The following ZNF148 variants were observed in gnomAD, a reference collection of about 807,000 sequenced individuals.
ZNF148 encodes zinc finger protein 148.
Under a neutral mutation model 67.7 loss-of-function variants are expected in ZNF148, and 7 were observed. That is an observed-to-expected ratio of 0.10 (90% CI 0.06 to 0.19). The LOEUF (loss-of-function observed/expected upper bound fraction) is 0.19. Ranked by LOEUF, ZNF148 falls within the 10% of genes least tolerant of loss-of-function variation. ZNF148 has a pLI of 1.00. For missense variants in ZNF148, 583 were observed against 947.1 expected (o/e 0.62, Z 5.05); for synonymous variants, 333 against 330.7 (o/e 1.01, Z -0.08).
chr3:125,230,352 C>T lies in ZNF148; in HGVS notation c.*1989G>A, dbSNP rs1658285552. The T allele has an allele frequency of 1.3e-5, 2 of 152,506 alleles. No homozygotes were observed. Among genetic ancestry groups the T allele is most frequent in the South Asian group, 4.1e-4 (2 of 4,832 alleles). 9.4% of individuals were successfully genotyped at this position (152,506 alleles called of 1,614,324 possible). On this transcript the variant is annotated 3_prime_UTR_variant, in exon 9 of 9. Coordinates refer to ENST00000360647, the MANE Select transcript of ZNF148 (RefSeq NM_021964.3). Reference sequence around the variant, plus strand: ...CTTTTTGTAATTATGTAATGCACAACACAACACACACAATCTTAAGAGTCA... The same window carrying T: ...CTTTTTGTAATTATGTAATGCACAATACAACACACACAATCTTAAGAGTCA...
intron 7 of ZNF148, among the ~76,000 whole-genome samples, chr3:125,240,122 A>G (rs371654768): frequency 6.6e-6 from 1 of 152,242 alleles, no homozygotes; most frequent in Non-Finnish European, 1.5e-5. Flanking sequence ...TTAAATATGC[A>G]TGGTAATACA....
chr3:125,233,324 T>C lies in ZNF148; in HGVS notation c.1402A>G (p.Met468Val), dbSNP rs750747712. Residue 468 changes from methionine to valine, a missense_variant, in exon 9 of 9, where the codon ATG becomes GTG. By Grantham distance (21) the Met-to-Val change is conservative (BLOSUM62 1). This residue lies in a region of ZNF148 where 172 missense variants were observed against 307.7 expected (regional missense o/e 0.56). Coordinates refer to ENST00000360647, the MANE Select transcript of ZNF148 (RefSeq NM_021964.3). The surrounding 1 kb of genome is among the most constrained non-coding windows in gnomAD (Gnocchi z 5.1). The stretch of plus-strand genomic sequence containing the variant: ...TACCGCTTCTTCTTCAAAAACTGCA[T>C]GGCATCATCATAATTAGTACTACTA... ...VHSSTNYDDA[M>V]QFLKKKRYLQ... The C allele has an allele frequency of 1.9e-6, 3 of 1,613,978 alleles. No individual in the cohort carries two copies. The highest frequency in any genetic ancestry group is 2.2e-5 in the East Asian group (1 of 44,876).
chr3:125,318,606 A>G (rs1273155535), intron 3 of ZNF148, among the ~76,000 whole-genome samples: 4 of 152,178 alleles, frequency 2.6e-5, no homozygotes, highest in Admixed American at 1.3e-4. Flanking sequence ...GCTCCCTGTG[A>G]AGACCCTTTA....
chr3:125,313,647 GTA>G lies in ZNF148; in HGVS notation c.-9_-8del, dbSNP rs772881983. 6.3e-7 allele frequency: 1 copy of G among 1,599,072 alleles called. No homozygotes were observed. The highest frequency in any genetic ancestry group is 8.6e-7 in the Non-Finnish European group (1 of 1,168,164). ...GTTTGTCGTCAATGTTCATGCTTAA[GTA>G]TAACTGCCTAGAAAACCAAGTTTGG... On this transcript the variant is annotated 5_prime_UTR_variant, in exon 4 of 9. Transcript: ENST00000360647.
intron 7 of ZNF148, among the ~76,000 whole-genome samples, chr3:125,267,079 A>G (rs1402667280): frequency 4.0e-5 from 6 of 151,504 alleles, no homozygotes; most frequent in Non-Finnish European, 8.9e-5. Flanking sequence ...AGGAAAGAAA[A>G]AAAAAAAAAA....
At chr3:125,244,322 A>G (rs1174507794) in intron 7 of ZNF148, among the ~76,000 whole-genome samples, 3 of 152,190 alleles carry the variant, frequency 2.0e-5, no homozygotes, top group Non-Finnish European at 2.9e-5. Flanking sequence ...CATAAGATTT[A>G]TGTATAATCT....
At chr3:125,254,937 C>A (rs961330559) in intron 7 of ZNF148, among the ~76,000 whole-genome samples, 4 of 152,076 alleles carry the variant, frequency 2.6e-5, no homozygotes, top group Admixed American at 6.6e-5. Flanking sequence ...AAGACTCAAT[C>A]AAGTATTTAT....
chr3:125,298,056 A>G (rs778645242), intron 4 of ZNF148, among the ~76,000 whole-genome samples: 1 of 152,322 alleles, frequency 6.6e-6, no homozygotes, highest in Admixed American at 6.5e-5. Context: ...ATGAAAATAA[A>G]GAAACCAGAT....
chr3:125,286,087 C>T (rs183422524), intron 5 of ZNF148, among the ~76,000 whole-genome samples: 18 of 152,164 alleles, frequency 1.2e-4, no homozygotes, highest in Admixed American at 2.6e-4. Flanking sequence ...GCAATGAATC[C>T]GAAGTAACAA....
intron 4 of ZNF148, among the ~76,000 whole-genome samples, chr3:125,312,967 G>A (rs1940296525): frequency 6.6e-6 from 1 of 152,146 alleles, no homozygotes; most frequent in Admixed American, 6.5e-5. Flanking sequence ...ACCCTTGAAT[G>A]TGTGATATTT....
chr3:125,287,881 G>A (rs1938783296), intron 5 of ZNF148, among the ~76,000 whole-genome samples: 1 of 152,154 alleles, frequency 6.6e-6, no homozygotes. Flanking sequence ...TAGAGATATG[G>A]AAAAAGAAAA....
intron 4 of ZNF148, among the ~76,000 whole-genome samples, chr3:125,293,278 T>G (rs570996007): frequency 6.6e-6 from 1 of 152,288 alleles, no homozygotes; most frequent in South Asian, 2.1e-4. Flanking sequence ...TCTCTTTCAC[T>G]CAATCTCTTT....
intron 1 of ZNF148, among the ~76,000 whole-genome samples, chr3:125,362,093 C>T (rs1942561027): frequency 6.6e-6 from 1 of 152,216 alleles, no homozygotes; most frequent in East Asian, 1.9e-4. Context: ...TCCATGCCCA[C>T]GCACTGGGTG....
intron 7 of ZNF148, among the ~76,000 whole-genome samples, chr3:125,250,179 G>A (rs887443270): frequency 3.3e-5 from 5 of 152,154 alleles, no homozygotes; most frequent in South Asian, 2.1e-4. Context: ...ACAAAAGATA[G>A]TTATGTGAAG....
intron 1 of ZNF148, among the ~76,000 whole-genome samples, chr3:125,338,659 CAAAA>C (rs757727396): frequency 2.0e-4 from 10 of 51,198 alleles, no homozygotes; most frequent in South Asian, 1.1e-3. Flanking sequence ...GACCCTGTCT[CAAAA>C]AAAAAAAAAA....
At chr3:125,342,891 T>C (rs966675262) in intron 1 of ZNF148, among the ~76,000 whole-genome samples, 2 of 152,174 alleles carry the variant, frequency 1.3e-5, no homozygotes, top group Admixed American at 6.5e-5. Flanking sequence ...AGTATAAAAG[T>C]TGATATTAGT....
chr3:125,374,335 T>A (rs1942989112), intron 1 of ZNF148, among the ~76,000 whole-genome samples: 1 of 152,198 alleles, frequency 6.6e-6, no homozygotes, highest in Non-Finnish European at 1.5e-5. Context: ...ATACTACATC[T>A]GTCTATTCTA....
At chr3:125,350,167 T>C (rs1559775362) in intron 1 of ZNF148, among the ~76,000 whole-genome samples, 1 of 114,106 alleles carries the variant, frequency 8.8e-6, no homozygotes, top group Non-Finnish European at 1.9e-5. Context: ...TTTGGTTTTG[T>C]TTTGTTTTTT....
At position 125,313,403 on chromosome 3, in the gene ZNF148, G is replaced by A. The variant is rs1345323923; in HGVS notation, c.238C>T (p.Leu80Phe). The part of the protein sequence containing the change: ...RQQDMISHDE[L>F]MVHEETVKND... ...TTCACTGTCTCCTCATGGACCATGA[G>A]TTCATCATGTGATATCATATCCTGT... Residue 80 changes from leucine (L) to phenylalanine (F), a missense_variant, in exon 4 of 9, where the codon CTC becomes TTC. Leu to Phe is a conservative substitution (Grantham distance 22). This residue lies in a region of ZNF148 where 150 missense variants were observed against 202.5 expected (regional missense o/e 0.74). Transcript: ENST00000360647. 6.2e-7 allele frequency: 1 copy of A among 1,614,082 alleles called. No homozygotes were observed. The highest frequency in any genetic ancestry group is 1.3e-5 in the African/African-American group (1 of 75,020).
Sources: gnomAD v4.1 joint callset for allele counts (sites outside exome capture counted in the v4.1 genomes callset) on GRCh38, gnomAD v4.1.1 for gene constraint, gnomAD v4.1.1 regional missense constraint, Gnocchi (gnomAD v3.1) non-coding constraint, MANE v1.5 for transcripts, NCBI Gene and HGNC (gene_info 2026-07-23, HGNC 2026-07-21) for gene names.